The following AKAP13 variants were observed in gnomAD, a reference collection of about 807,000 sequenced individuals.
The protein encoded by AKAP13 is A-kinase anchor protein 13.
In AKAP13, 80 loss-of-function variants were observed where a neutral mutation model predicts 264.5. The ratio of observed to expected loss-of-function variants is 0.30; its 90% CI spans 0.25 to 0.36. The LOEUF is 0.36. Among genes scored for constraint, AKAP13 ranks in the 10% least tolerant of loss-of-function variants. AKAP13 has a pLI of 1.00. For missense variants in AKAP13, 3,712 were observed against 3,435.2 expected (o/e 1.08, Z -2.01); for synonymous variants, 1,380 against 1,250.2 (o/e 1.10, Z -2.19).
At chr15:85,561,655 G>GA (rs1163989016) in intron 5 of AKAP13, among the ~76,000 whole-genome samples, 1 of 152,150 alleles carries the variant, frequency 6.6e-6, no homozygotes, top group Admixed American at 6.5e-5. Flanking sequence ...GCAGTATGCT[G>GA]AAAATCACTT....
chr15:85,403,872 G>A (rs944904959), intron 1 of AKAP13, among the ~76,000 whole-genome samples: 3 of 150,364 alleles, frequency 2.0e-5, no homozygotes, highest in Non-Finnish European at 3.0e-5. Context: ...AAAATCTGAC[G>A]TGAAATGCTC....
Position 85,576,389 on chromosome 15 carries a change from TA to T in AKAP13, c.861+1068del, listed in dbSNP as rs5814202. On this transcript the variant is annotated intron_variant, in intron 6 of 36. Coordinates refer to ENST00000394518, the MANE Select transcript of AKAP13 (RefSeq NM_007200.5). ...AATAGTTGTATGGTACAAAGATAGC[TA>T]AAAAAAACAGAAAAGATTTTATAAT... Among the ~76,000 whole-genome samples, 4 of 151,774 alleles carry T rather than the reference TA, an allele frequency of 2.6e-5. 1 individual carries two copies. The highest frequency in any genetic ancestry group is 2.4e-5 in the African/African-American group (1 of 41,290).
chr15:85,592,579 C>T (rs2079629598), intron 8 of AKAP13, among the ~76,000 whole-genome samples: 1 of 152,192 alleles, frequency 6.6e-6, no homozygotes, highest in Non-Finnish European at 1.5e-5. Flanking sequence ...AAAGTCTTAT[C>T]TGCATACATT....
chr15:85,742,449 C>G (rs545516345), intron 35 of AKAP13, among the ~76,000 whole-genome samples: 3 of 152,260 alleles, frequency 2.0e-5, no homozygotes, highest in Non-Finnish European at 4.4e-5. Flanking sequence ...GTGGCAGGAT[C>G]GGTGGGAGGC....
chr15:85,580,828 C>G lies in AKAP13; in HGVS notation c.2760C>G (p.Ser920Arg). The G allele has an allele frequency of 1.2e-6, 2 of 1,614,108 alleles. No individual in the cohort carries two copies. Among genetic ancestry groups the G allele is most frequent in the African/African-American group, 2.7e-5 (2 of 75,062 alleles). ...GAAAACTTCTGGTGGTTTCAGAAAGCTCTGCAGCTCAGGAACAAGATAAGG... is the reference window on the plus strand; with the variant it reads ...GAAAACTTCTGGTGGTTTCAGAAAGGTCTGCAGCTCAGGAACAAGATAAGG... Reference protein sequence around the residue: ...EEGKLLVVSESSAAQEQDKDK... With the variant: ...EEGKLLVVSERSAAQEQDKDK... Residue 920 changes from serine to arginine, a missense_variant, in exon 7 of 37, where the codon AGC (serine) becomes AGG (arginine). Around this residue, in one of 3 missense-constraint regions of AKAP13, gnomAD observed 2,759 missense variants for 2,411.7 expected, o/e 1.14. Coordinates refer to ENST00000394518, the MANE Select transcript of AKAP13 (RefSeq NM_007200.5).
At chr15:85,401,336 A>G (rs1389379607) in intron 1 of AKAP13, among the ~76,000 whole-genome samples, 1 of 152,120 alleles carries the variant, frequency 6.6e-6, no homozygotes, top group Non-Finnish European at 1.5e-5. Context: ...TCTAGATGTT[A>G]CTTGGTTTTG....
chr15:85,743,974 C>A, intron 36 of AKAP13, 149 bp downstream of exon 36: 1 of 880,938 alleles, frequency 1.1e-6, no homozygotes, highest in Non-Finnish European at 1.7e-6. Flanking sequence ...GCTCCGCTTG[C>A]TAAGAGCACT....
chr15:85,468,384 C>G (rs2074833878), intron 1 of AKAP13, among the ~76,000 whole-genome samples: 1 of 152,100 alleles, frequency 6.6e-6, no homozygotes, highest in Non-Finnish European at 1.5e-5. Flanking sequence ...TAAGTTTGGA[C>G]TATTTAAAAT....
chr15:85,663,129 G>A (rs7168150), intron 12 of AKAP13, among the ~76,000 whole-genome samples: 3,860 of 152,148 alleles, frequency 0.025, 173 homozygotes, highest in African/African-American at 0.086. Context: ...GAAAAACGTG[G>A]TGAAACCCCA....
At chr15:85,533,376 G>C (rs1373479049) in intron 3 of AKAP13, among the ~76,000 whole-genome samples, 7 of 152,084 alleles carry the variant, frequency 4.6e-5, no homozygotes, top group Non-Finnish European at 8.8e-5. Flanking sequence ...TTTTGTTAAG[G>C]GAATTCATAT....
Position 85,533,573 on chromosome 15 carries a change from GT to G in AKAP13, c.182-8del, listed in dbSNP as rs769535237. 5.0e-6 allele frequency: 8 copies of G among 1,591,022 alleles called. No individual in the cohort carries two copies. The stretch of plus-strand genomic sequence containing the variant: ...TAATACTGTTTTATTTGCTGCCTGT[GT>G]TTCCTTTAGGTCATGATTGTTGTGA... On this transcript the variant is annotated splice_polypyrimidine_tract_variant and intron_variant, in intron 3 of 36. Transcript: ENST00000394518.
Position 85,727,206 on chromosome 15 carries a change from A to T in AKAP13, c.6963A>T (p.Arg2321=). The T allele has an allele frequency of 6.2e-7, 1 of 1,614,232 alleles. No individual in the cohort carries two copies. Among genetic ancestry groups the T allele is most frequent in the Non-Finnish European group, 8.5e-7 (1 of 1,180,030 alleles). Residue 2321 remains arginine (R), a synonymous_variant, in exon 28 of 37, where the codon CGA becomes CGT. Transcript: ENST00000394518. This position sits in a 1 kb window ranked among gnomAD's most constrained non-coding sequence, Gnocchi z 5.3. ...TCCATGCCAGCTCCAAAGAGGAACG[A>T]AACAGCTGGATTCAGATCATTCAGG... ...VEVHASSKEE[R]NSWIQIIQDT...
At chr15:85,666,647 C>T (rs555630442) in intron 13 of AKAP13, among the ~76,000 whole-genome samples, 5 of 152,332 alleles carry the variant, frequency 3.3e-5, no homozygotes, top group African/African-American at 1.2e-4. Flanking sequence ...TTCCCCAGTT[C>T]AAGTGATCCT....
intron 1 of AKAP13, among the ~76,000 whole-genome samples, chr15:85,420,932 C>T (rs185570614): frequency 2.0e-5 from 3 of 152,038 alleles, no homozygotes; most frequent in East Asian, 1.9e-4. Context: ...AAAAAAAAAT[C>T]GGAATTCTGC....
At chr15:85,714,869 C>CG (rs1236317463) in intron 19 of AKAP13, among the ~76,000 whole-genome samples, 1 of 151,862 alleles carries the variant, frequency 6.6e-6, no homozygotes, top group Non-Finnish European at 1.5e-5. Context: ...CGGGAGGCTG[C>CG]GGCAGGAGAA....
intron 17 of AKAP13, among the ~76,000 whole-genome samples, chr15:85,705,068 G>T (rs2086153033): frequency 6.6e-6 from 1 of 152,156 alleles, no homozygotes; most frequent in South Asian, 2.1e-4. Flanking sequence ...TTCCAGCTGG[G>T]TTGTGGGTTT....
intron 14 of AKAP13, among the ~76,000 whole-genome samples, chr15:85,672,176 C>T (rs1427386511): frequency 6.6e-6 from 1 of 152,166 alleles, no homozygotes; most frequent in Non-Finnish European, 1.5e-5. Flanking sequence ...GAGTTTATTC[C>T]TTTCATCCAA....
chr15:85,662,577 G>C, intron 12 of AKAP13: 1 of 1,076,864 alleles, frequency 9.3e-7, no homozygotes, highest in South Asian at 1.3e-5. Flanking sequence ...TTGTCTGTGA[G>C]CACAGCATTT....
In AKAP13 at chr15:85,747,130, G is replaced by A. The variant is rs1020821639; in HGVS notation, c.*2453G>A. The A allele has an allele frequency of 5.3e-5, 8 of 152,168 alleles. No homozygotes were observed. The highest frequency in any genetic ancestry group is 1.9e-4 in the African/African-American group (8 of 41,434). The allele number at this position is 152,168 out of a possible 1,614,324, so 9.4% of individuals were successfully genotyped here. A position where few individuals can be genotyped will look rare whatever the true frequency, so the allele number is the denominator to read the frequency against. ...TGGACAAGTTTAAAATCAAAGTAGT[G>A]CCCGGAATTCCCTCAAACCACCCAA... On this transcript the variant is annotated 3_prime_UTR_variant, in exon 37 of 37. Coordinates refer to ENST00000394518, the MANE Select transcript of AKAP13 (RefSeq NM_007200.5).
Sources: gnomAD v4.1 joint callset for allele counts (sites outside exome capture counted in the v4.1 genomes callset) on GRCh38, gnomAD v4.1.1 for gene constraint, gnomAD v4.1.1 regional missense constraint, Gnocchi (gnomAD v3.1) non-coding constraint, MANE v1.5 for transcripts, NCBI Gene and HGNC (gene_info 2026-07-23, HGNC 2026-07-21) for gene names.